Variants in CSMD2 observed in about 807,000 individuals in gnomAD.
CSMD2 encodes CUB and sushi domain-containing protein 2.
A neutral mutation model predicts 398.5 loss-of-function variants in CSMD2; 130 were observed. That is an observed-to-expected ratio of 0.33 (90% CI 0.28 to 0.38). CSMD2 has a LOEUF of 0.38. Ranked by LOEUF, CSMD2 falls within the 10% of genes least tolerant of loss-of-function variation. The pLI, the probability that CSMD2 is intolerant of heterozygous loss-of-function variation, is 1.00. For missense variants in CSMD2, 3,829 were observed against 4,764.9 expected (o/e 0.80, Z 5.78); for synonymous variants, 1,828 against 1,908.5 (o/e 0.96, Z 1.10).
At position 33,861,172 on chromosome 1, in the gene CSMD2, G is replaced by A. The variant is rs143167486; in HGVS notation, c.921-14176C>T. ...ATATTAAGTATGTATGTATGTAAAC[G>A]AGTCATGATGTAAAATGTATTTCTT... On this transcript the variant is annotated intron_variant, in intron 5 of 70. Coordinates refer to ENST00000373381, the MANE Select transcript of CSMD2 (RefSeq NM_001281956.2). 18 of 152,276 alleles carry A rather than the reference G, an allele frequency of 1.2e-4. 1 individual carries two copies. Among genetic ancestry groups the A allele is most frequent in the African/African-American group, 3.9e-4 (16 of 41,546 alleles). The allele number at this position is 152,276 out of a possible 1,614,324, so 9.4% of individuals were successfully genotyped here. A position where few individuals can be genotyped will look rare whatever the true frequency, so the allele number is the denominator to read the frequency against.
At chr1:34,095,726 T>C (rs1338647540) in intron 1 of CSMD2, among the ~76,000 whole-genome samples, 1 of 151,382 alleles carries the variant, frequency 6.6e-6, no homozygotes, top group East Asian at 1.9e-4. Context: ...GTTGAATCTC[T>C]GAATAGACCA....
chr1:34,098,311 C>A (rs1194308274), intron 1 of CSMD2, among the ~76,000 whole-genome samples: 2 of 126,440 alleles, frequency 1.6e-5, no homozygotes, highest in East Asian at 4.7e-4. Context: ...ATACCTAATG[C>A]TAGATGACGA....
chr1:33,903,920 G>A (rs997255113), intron 5 of CSMD2, among the ~76,000 whole-genome samples: 3 of 152,148 alleles, frequency 2.0e-5, no homozygotes, highest in Non-Finnish European at 4.4e-5. Context: ...AGACTGTGAA[G>A]GAGGAGGATC....
intron 24 of CSMD2, among the ~76,000 whole-genome samples, chr1:33,694,047 G>A (rs1005492745): frequency 6.6e-6 from 1 of 151,870 alleles, no homozygotes; most frequent in African/African-American, 2.4e-5. Flanking sequence ...CAACAAATGC[G>A]AAACTCCATC....
chr1:33,624,582 C>T lies in CSMD2; in HGVS notation c.5562G>A (p.Glu1854=). Reference sequence around the variant, plus strand: ...CACAGTTGAGGCTGTTGAGGTACGGCTCTGGGAAGCCAGGGGACAGGATGG... The same window carrying T: ...CACAGTTGAGGCTGTTGAGGTACGGTTCTGGGAAGCCAGGGGACAGGATGG... ...RGTILSPGFP[E]PYLNSLNCVW... Residue 1854 remains glutamate, a synonymous_variant, in exon 35 of 71, where the codon GAG becomes GAA. Transcript: ENST00000373381. The surrounding 1 kb of genome is among the most constrained non-coding windows in gnomAD (Gnocchi z 4.7). 1.2e-6 allele frequency: 2 copies of T among 1,614,036 alleles called. No individual in the cohort carries two copies. Among genetic ancestry groups the T allele is most frequent in the Middle Eastern group, 1.7e-4 (1 of 6,060 alleles).
chr1:33,797,785 A>T (rs1193077679), intron 10 of CSMD2, among the ~76,000 whole-genome samples: 2 of 152,054 alleles, frequency 1.3e-5, no homozygotes, highest in Non-Finnish European at 2.9e-5. Flanking sequence ...CCGGCTGCAT[A>T]TTCTCACCAT....
intron 1 of CSMD2, among the ~76,000 whole-genome samples, chr1:34,137,294 G>GCA (rs1638853072): frequency 6.6e-6 from 1 of 150,868 alleles, no homozygotes; most frequent in Non-Finnish European, 1.5e-5. Flanking sequence ...GTGAGTATAA[G>GCA]AAAAAAAAAG....
At chr1:33,880,086 A>G (rs1171975708) in intron 5 of CSMD2, among the ~76,000 whole-genome samples, 1 of 152,188 alleles carries the variant, frequency 6.6e-6, no homozygotes, top group African/African-American at 2.4e-5. Flanking sequence ...TAGTCAGTGG[A>G]TGAGCAAACA....
chr1:33,569,424 C>T lies in CSMD2; in HGVS notation c.8081G>A (p.Arg2694His), dbSNP rs375940945. The T allele has an allele frequency of 1.9e-5, 31 of 1,614,154 alleles. No homozygotes were observed. In the Middle Eastern group the frequency reaches 4.9e-4, roughly 26 times the overall value. ...CCAGAGCCCATTGGCCATGCACTCA[C>T]GCACCCTGGAGCCCACCAGTGTGTA... ...SGYTLVGSRVRECMANGLWSG... is the reference protein window; with the variant it reads ...SGYTLVGSRVHECMANGLWSG... The change falls in exon 52 of 71, where the codon CGT (arginine) becomes CAT (histidine). Residue 2694 changes from arginine (R) to histidine (H), a missense_variant. By Grantham distance (29) the Arg-to-His change is conservative. This residue lies in a region of CSMD2 where 723 missense variants were observed against 758.6 expected (regional missense o/e 0.95). Transcript: ENST00000373381.
intron 25 of CSMD2, among the ~76,000 whole-genome samples, chr1:33,683,397 T>C (rs567881322): frequency 6.6e-6 from 1 of 152,368 alleles, no homozygotes; most frequent in African/African-American, 2.4e-5. Flanking sequence ...ATGTTTTAAG[T>C]GGCATCATAC....
chr1:33,995,130 T>C (rs1483394344), intron 3 of CSMD2, among the ~76,000 whole-genome samples: 2 of 149,998 alleles, frequency 1.3e-5, no homozygotes, highest in African/African-American at 2.5e-5. Context: ...CTGAACCCAA[T>C]GGGTTCTTTG....
intron 1 of CSMD2, among the ~76,000 whole-genome samples, chr1:34,155,123 G>A (rs2148566948): frequency 6.6e-6 from 1 of 152,292 alleles, no homozygotes; most frequent in African/African-American, 2.4e-5. Flanking sequence ...ATGAAGGGAG[G>A]CAAACTTTGT....
In CSMD2 at chr1:33,572,554, G is replaced by C. The variant is rs745551912; in HGVS notation, c.7714C>G (p.Leu2572Val). 6.2e-7 allele frequency: 1 copy of C among 1,614,002 alleles called. No individual in the cohort carries two copies. Among genetic ancestry groups the C allele is most frequent in the Admixed American group, 1.7e-5 (1 of 60,010 alleles). Residue 2572 changes from leucine to valine, a missense_variant, in exon 50 of 71, where the codon CTG (leucine) becomes GTG (valine). Transcript: ENST00000373381. Reference protein sequence around the residue: ...QAGAEATAECLDTGLWSNRNV... With the variant: ...QAGAEATAECVDTGLWSNRNV... ...CGGTTGCTCCATAGGCCTGTGTCCA[G>C]ACACTCTGCAGTGGCCTCAGCGCCT...
At chr1:33,922,492 AG>A (rs968295784) in intron 4 of CSMD2, among the ~76,000 whole-genome samples, 3 of 152,192 alleles carry the variant, frequency 2.0e-5, no homozygotes, top group Admixed American at 2.0e-4. Flanking sequence ...GAATTCCAGA[AG>A]AAAAGCAGGT....
chr1:33,841,842 G>A (rs1214004344), intron 6 of CSMD2, among the ~76,000 whole-genome samples: 1 of 152,156 alleles, frequency 6.6e-6, no homozygotes, highest in Non-Finnish European at 1.5e-5. Flanking sequence ...GGACCTGTTA[G>A]TCTCCAAGGA....
chr1:33,948,502 C>T (rs1224223053), intron 3 of CSMD2, among the ~76,000 whole-genome samples: 2 of 152,088 alleles, frequency 1.3e-5, no homozygotes, highest in Non-Finnish European at 2.9e-5. Context: ...TATATAAAAA[C>T]AGGCAAATTC....
intron 5 of CSMD2, among the ~76,000 whole-genome samples, chr1:33,894,021 A>G (rs1401554092): frequency 6.6e-6 from 1 of 152,116 alleles, no homozygotes; most frequent in Non-Finnish European, 1.5e-5. Flanking sequence ...GGTGACAGGG[A>G]CAGGGGGATT....
intron 11 of CSMD2, among the ~76,000 whole-genome samples, chr1:33,791,653 AAT>A (rs1462956024): frequency 6.6e-6 from 1 of 151,976 alleles, no homozygotes; most frequent in Non-Finnish European, 1.5e-5. Context: ...ACATCCAGCT[AAT>A]TTTTGAATTT....
chr1:34,145,017 C>T (rs929647192), intron 1 of CSMD2, among the ~76,000 whole-genome samples: 4 of 152,208 alleles, frequency 2.6e-5, no homozygotes, highest in African/African-American at 9.6e-5. Flanking sequence ...TTGGGGGACA[C>T]CAGAGGCTTG....
Sources: allele counts gnomAD v4.1 joint callset (sites outside exome capture counted in the v4.1 genomes callset), GRCh38; gene constraint gnomAD v4.1.1; regional missense constraint gnomAD v4.1.1; non-coding constraint Gnocchi (gnomAD v3.1); transcripts MANE v1.5; gene names NCBI Gene and HGNC (gene_info 2026-07-23, HGNC 2026-07-21).